Variants in ARSJ observed in about 807,000 individuals in gnomAD.
The protein encoded by ARSJ is arylsulfatase family member J, also known as arylsulfatase J.
A neutral mutation model predicts 35.9 loss-of-function variants in ARSJ; 26 were observed. The ratio of observed to expected loss-of-function variants is 0.72; its 90% CI spans 0.53 to 1.00. The LOEUF is 1.00. Among genes scored for constraint, ARSJ ranks in the 50% least tolerant of loss-of-function variants. ARSJ has a pLI of 0.00. For missense variants in ARSJ, 667 were observed against 723.6 expected (o/e 0.92, Z 0.90); for synonymous variants, 294 against 267.6 (o/e 1.10, Z -0.96).
At chr4:113,946,939 AT>A (rs1403463756) in intron 1 of ARSJ, among the ~76,000 whole-genome samples, 1 of 152,134 alleles carries the variant, frequency 6.6e-6, no homozygotes, top group African/African-American at 2.4e-5. Context: ...TATGTATATA[AT>A]TTAGAAGTTC....
chr4:113,915,838 CAAT>C (rs1433627612), intron 1 of ARSJ, among the ~76,000 whole-genome samples: 1 of 152,184 alleles, frequency 6.6e-6, no homozygotes, highest in East Asian at 1.9e-4. Context: ...CTTTCTACAA[CAAT>C]AGAGATCATA....
intron 1 of ARSJ, among the ~76,000 whole-genome samples, chr4:113,950,785 T>C (rs776670523): frequency 6.6e-6 from 1 of 152,094 alleles, no homozygotes; most frequent in African/African-American, 2.4e-5. Context: ...GAGCGTATGC[T>C]TTCCTGATTA....
rs189714141 is a variant in ARSJ, at chr4:113,940,684, G to T, written c.399-37009C>A. Among the ~76,000 whole-genome samples the T allele has an allele frequency of 4.3e-3, 655 of 151,900 alleles. 4 individuals are homozygous for T. Among genetic ancestry groups the T allele is most frequent in the African/African-American group, 0.015 (636 of 41,470 alleles). Reference sequence around the variant, plus strand: ...TGTGTATAAAGACAGAGTATCCAGAGAAGGAGGTGGAACTACCAAAGATGG... The same window carrying T: ...TGTGTATAAAGACAGAGTATCCAGATAAGGAGGTGGAACTACCAAAGATGG... On this transcript the variant is annotated intron_variant, in intron 1 of 1. Transcript: ENST00000315366.
intron 1 of ARSJ, among the ~76,000 whole-genome samples, chr4:113,977,363 T>C (rs570241839): frequency 1.3e-5 from 2 of 152,338 alleles, no homozygotes; most frequent in South Asian, 4.1e-4. Flanking sequence ...GCAGTGGAAA[T>C]CATGCTGTAA....
At chr4:113,946,658 A>C (rs1169687613) in intron 1 of ARSJ, among the ~76,000 whole-genome samples, 2 of 152,058 alleles carry the variant, frequency 1.3e-5, no homozygotes, top group South Asian at 4.1e-4. Flanking sequence ...TAATTTACAT[A>C]AATCTACATT....
intron 1 of ARSJ, among the ~76,000 whole-genome samples, chr4:113,910,346 A>G (rs900272954): frequency 2.0e-5 from 3 of 152,208 alleles, no homozygotes; most frequent in Non-Finnish European, 4.4e-5. Flanking sequence ...ACCTAATTAC[A>G]TATTTAATGT....
chr4:113,930,090 T>C (rs1294100433), intron 1 of ARSJ, among the ~76,000 whole-genome samples: 1 of 152,116 alleles, frequency 6.6e-6, no homozygotes, highest in African/African-American at 2.4e-5. Context: ...CCATCCTTAA[T>C]ATTCTATTCC....
intron 1 of ARSJ, among the ~76,000 whole-genome samples, chr4:113,910,243 T>A (rs1300740441): frequency 2.0e-5 from 3 of 152,164 alleles, no homozygotes; most frequent in Non-Finnish European, 4.4e-5. Context: ...AGGTATATAA[T>A]TTTTTGTATT....
intron 1 of ARSJ, among the ~76,000 whole-genome samples, chr4:113,957,280 T>C (rs1405972850): frequency 6.6e-6 from 1 of 152,096 alleles, no homozygotes; most frequent in Non-Finnish European, 1.5e-5. Context: ...ATTTCCACCA[T>C]TTTATTTAAA....
chr4:113,969,349 G>A (rs925509151), intron 1 of ARSJ, among the ~76,000 whole-genome samples: 79 of 139,804 alleles, frequency 5.7e-4, no homozygotes, highest in African/African-American at 2.0e-3. Context: ...TAAAACACAT[G>A]GGGTTTAATT....
At chr4:113,924,182 G>A (rs1360225928) in intron 1 of ARSJ, among the ~76,000 whole-genome samples, 6 of 149,650 alleles carry the variant, frequency 4.0e-5, no homozygotes, top group Admixed American at 1.3e-4. Context: ...GGCTGTCTGC[G>A]AGCTGAAGAG....
intron 1 of ARSJ, among the ~76,000 whole-genome samples, chr4:113,955,031 G>T: frequency 6.8e-6 from 1 of 146,908 alleles, no homozygotes; most frequent in South Asian, 2.1e-4. Flanking sequence ...GCATATGTGA[G>T]CATACAGCAT....
intron 1 of ARSJ, among the ~76,000 whole-genome samples, chr4:113,950,720 T>G (rs761884744): frequency 6.6e-6 from 1 of 152,118 alleles, no homozygotes; most frequent in Non-Finnish European, 1.5e-5. Flanking sequence ...CTTAAACTTA[T>G]GCTAAAGTGA....
intron 1 of ARSJ, among the ~76,000 whole-genome samples, chr4:113,952,854 A>C (rs1224945565): frequency 6.6e-6 from 1 of 152,080 alleles, no homozygotes; most frequent in Non-Finnish European, 1.5e-5. Context: ...AAGACACATC[A>C]ATGACAAGGT....
chr4:113,975,148 T>C (rs1727513965), intron 1 of ARSJ, among the ~76,000 whole-genome samples: 1 of 152,164 alleles, frequency 6.6e-6, no homozygotes, highest in African/African-American at 2.4e-5. Context: ...TGATTATCCA[T>C]GGTGAGGGAT....
Position 113,978,623 on chromosome 4 carries a change from G to T in ARSJ, c.212C>A (p.Thr71Asn). The change falls in exon 1 of 2, where the codon ACT (threonine) becomes AAT (asparagine). Residue 71 changes from threonine (T) to asparagine (N), a missense_variant. Coordinates refer to ENST00000315366, the MANE Select transcript of ARSJ (RefSeq NM_024590.4). ...AATGAGATGGGGCTGGGAGGTGGAAGTTGTGCTGGGCTCTAGTTTCTCTCC... is the reference window on the plus strand; with the variant it reads ...AATGAGATGGGGCTGGGAGGTGGAATTTGTGCTGGGCTCTAGTTTCTCTCC... ...QAGEKLEPST[T>N]STSQPHLIFI... The T allele has an allele frequency of 6.2e-7, 1 of 1,614,188 alleles. No individual in the cohort carries two copies. The highest frequency in any genetic ancestry group is 8.5e-7 in the Non-Finnish European group (1 of 1,180,018).
rs187228769 is a variant in ARSJ at position 113,926,245 on chromosome 4, G to T, written c.399-22570C>A. On this transcript the variant is annotated intron_variant, in intron 1 of 1. Coordinates refer to ENST00000315366, the MANE Select transcript of ARSJ (RefSeq NM_024590.4). ...AATTTTCTAATCGTGCTTCTTCGAA[G>T]TCCCTGACCATCCAGCCAAACCTTT... Among the ~76,000 whole-genome samples, 374 of 151,842 alleles carry T rather than the reference G, an allele frequency of 2.5e-3. 5 individuals are homozygous for T. The highest frequency in any genetic ancestry group is 2.9e-4 in the Non-Finnish European group (20 of 68,010).
chr4:113,959,225 T>C (rs550039699), intron 1 of ARSJ, among the ~76,000 whole-genome samples: 50 of 152,156 alleles, frequency 3.3e-4, no homozygotes, highest in African/African-American at 1.1e-3. Context: ...GCCAACAGCA[T>C]ACTGTGGGGG....
chr4:113,952,464 C>A, intron 1 of ARSJ, among the ~76,000 whole-genome samples: 1 of 152,070 alleles, frequency 6.6e-6, no homozygotes, highest in East Asian at 1.9e-4. Context: ...TCAATGAATG[C>A]TTTAAAATAT....
Sources: allele counts gnomAD v4.1 joint callset (sites outside exome capture counted in the v4.1 genomes callset), GRCh38; gene constraint gnomAD v4.1.1; transcripts MANE v1.5; gene names NCBI Gene and HGNC (gene_info 2026-07-23, HGNC 2026-07-21).